The following MLLT10 variants were observed in gnomAD, a reference collection of about 807,000 sequenced individuals.
MLLT10 encodes protein AF-10.
MLLT10 carries 30 observed loss-of-function variants against 129.1 expected under a neutral mutation model. The observed-to-expected ratio is 0.23, with a 90% CI of 0.17 to 0.32. The LOEUF is 0.32. Among genes scored for constraint, MLLT10 ranks in the 10% least tolerant of loss-of-function variants. MLLT10 has a pLI of 1.00. For missense variants in MLLT10, 1,119 were observed against 1,268.3 expected (o/e 0.88, Z 1.79); for synonymous variants, 490 against 446.4 (o/e 1.10, Z -1.23).
intron 21 of MLLT10, among the ~76,000 whole-genome samples, chr10:21,736,298 T>C (rs965781037): frequency 6.6e-6 from 1 of 152,158 alleles, no homozygotes; most frequent in Non-Finnish European, 1.5e-5. Context: ...TATATGTATA[T>C]TTTTGAGAGG....
rs1395584807 is a variant in MLLT10, at chr10:21,670,558, C to T, written c.905C>T (p.Ser302Phe). ...TTCCAGGAAGTCTCTGCACACACCT[C>T]TAGTGGAAAAGATGTTTCAGAGACT... The part of the protein sequence containing the change: ...ANFQEVSAHT[S>F]SGKDVSETRG... The change falls in exon 10 of 23, where the codon TCT (serine) becomes TTT (phenylalanine). Residue 302 changes from serine (S) to phenylalanine (F), a missense_variant. By Grantham distance (155) the Ser-to-Phe change is radical. Transcript: ENST00000307729. The T allele has an allele frequency of 2.5e-6, 4 of 1,613,994 alleles. No homozygotes were observed. In the South Asian group the frequency reaches 4.4e-5, roughly 18 times the overall value.
chr10:21,627,177 G>A (rs567381998), intron 8 of MLLT10, among the ~76,000 whole-genome samples: 13 of 151,738 alleles, frequency 8.6e-5, no homozygotes, highest in African/African-American at 2.9e-4. Context: ...CATGTCCTTC[G>A]CTCTACCCTC....
intron 5 of MLLT10, among the ~76,000 whole-genome samples, chr10:21,595,847 A>G (rs2042974235): frequency 6.6e-6 from 1 of 152,170 alleles, no homozygotes; most frequent in South Asian, 2.1e-4. Flanking sequence ...TTAGAATGTT[A>G]CTTGTCTCCT....
chr10:21,605,629 C>G (rs2131169459), intron 5 of MLLT10, among the ~76,000 whole-genome samples: 1 of 152,066 alleles, frequency 6.6e-6, no homozygotes, highest in East Asian at 1.9e-4. Context: ...TTTATAGTGA[C>G]TGGGTATGTT....
chr10:21,727,911 A>G lies in MLLT10; in HGVS notation c.2046A>G (p.Arg682=). The part of the protein sequence containing the change: ...RNLVGRGSSP[R]GSLSPRSPVS... ...TAGTTGGCAGAGGAAGCTCACCCCG[A>G]GGAAGTCTCTCGCCACGGTAAGCGC... The change falls in exon 16 of 23, where the codon CGA becomes CGG. Residue 682 remains arginine, a synonymous_variant. Transcript: ENST00000307729. 1 of 1,614,078 alleles carries G rather than the reference A, an allele frequency of 6.2e-7. No individual in the cohort carries two copies. Among genetic ancestry groups the G allele is most frequent in the African/African-American group, 1.3e-5 (1 of 75,034 alleles).
chr10:21,564,178 T>C (rs185138718), intron 3 of MLLT10, among the ~76,000 whole-genome samples: 69 of 152,230 alleles, frequency 4.5e-4, no homozygotes, highest in Non-Finnish European at 8.1e-4. Context: ...GGCAGTGTCA[T>C]GATCATGGCT....
At chr10:21,706,231 C>T (rs2055480686) in intron 13 of MLLT10, among the ~76,000 whole-genome samples, 1 of 152,178 alleles carries the variant, frequency 6.6e-6, no homozygotes, top group South Asian at 2.1e-4. Flanking sequence ...ATAATGAATT[C>T]ATAATAATGA....
intron 9 of MLLT10, among the ~76,000 whole-genome samples, chr10:21,666,029 T>G (rs528254399): frequency 6.6e-6 from 1 of 152,316 alleles, no homozygotes; most frequent in South Asian, 2.1e-4. Flanking sequence ...ATCTAACATT[T>G]GCTAATCCTT....
At chr10:21,625,784 TG>T in intron 8 of MLLT10, 1 of 768,104 alleles carries the variant, frequency 1.3e-6, no homozygotes, top group East Asian at 2.4e-5. Context: ...CACAGCTTCC[TG>T]TGCAGCTTCC....
chr10:21,563,142 G>A lies in MLLT10; in HGVS notation c.241-23152G>A, dbSNP rs187045302. The stretch of plus-strand genomic sequence containing the variant: ...TAGCCACACCTGCTTTCCTCCTGCC[G>A]CCAGACTTAGTCATAACCACTAAGG... On this transcript the variant is annotated intron_variant, in intron 3 of 22. Transcript: ENST00000307729. Among the ~76,000 whole-genome samples the A allele has an allele frequency of 2.2e-3, 338 of 151,974 alleles. 3 individuals carry two copies. The highest frequency in any genetic ancestry group is 7.7e-3 in the African/African-American group (319 of 41,440).
intron 14 of MLLT10, among the ~76,000 whole-genome samples, chr10:21,722,796 C>A (rs930358455): frequency 1.3e-5 from 2 of 152,080 alleles, no homozygotes; most frequent in Non-Finnish European, 2.9e-5. Flanking sequence ...TTCCAAACAT[C>A]AGTTAAGAAA....
intron 3 of MLLT10, among the ~76,000 whole-genome samples, chr10:21,569,031 A>C (rs946750127): frequency 2.0e-5 from 3 of 152,176 alleles, no homozygotes; most frequent in African/African-American, 7.2e-5. Flanking sequence ...TCACAGTTGT[A>C]AGAAAAAATT....
At chr10:21,631,222 G>A (rs1383334792) in intron 8 of MLLT10, among the ~76,000 whole-genome samples, 67 of 150,528 alleles carry the variant, frequency 4.5e-4, no homozygotes, top group Non-Finnish European at 7.4e-5. Flanking sequence ...GCTGAGGCAG[G>A]AGAATGGCGT....
At chr10:21,625,184 C>T (rs756260533) in intron 8 of MLLT10, 23 of 1,482,416 alleles carry the variant, frequency 1.6e-5, no homozygotes, top group Non-Finnish European at 2.2e-5. Context: ...ATATGCAGTG[C>T]TTCTGGAGGC....
Position 21,740,158 on chromosome 10 carries a change from A to C in MLLT10, c.3084A>C (p.Thr1028=), listed in dbSNP as rs770824572. The C allele has an allele frequency of 8.7e-6, 14 of 1,614,214 alleles. No individual in the cohort carries two copies. The highest frequency in any genetic ancestry group is 1.2e-5 in the Non-Finnish European group (14 of 1,180,042). ...QIPINNLLAG[T]QAPPLHTATT... Reference sequence around the variant, plus strand: ...CCATAAACAACCTTCTTGCAGGTACACAGGCACCCCCACTTCACACAGCTA... The same window carrying C: ...CCATAAACAACCTTCTTGCAGGTACCCAGGCACCCCCACTTCACACAGCTA... The change falls in exon 22 of 23, where the codon ACA becomes ACC. Residue 1028 remains threonine, a synonymous_variant. Coordinates refer to ENST00000307729, the MANE Select transcript of MLLT10 (RefSeq NM_001195626.3).
intron 4 of MLLT10, among the ~76,000 whole-genome samples, chr10:21,586,999 T>C (rs2042052515): frequency 6.6e-6 from 1 of 151,952 alleles, no homozygotes; most frequent in Admixed American, 6.6e-5. Flanking sequence ...AAATCTGTTG[T>C]TTTAGATTCT....
chr10:21,736,282 G>GGT (rs1176187088), intron 21 of MLLT10, among the ~76,000 whole-genome samples: 2 of 152,108 alleles, frequency 1.3e-5, no homozygotes, highest in African/African-American at 4.8e-5. Flanking sequence ...CTGGAATTGT[G>GGT]GTATATATAT....
chr10:21,638,253 T>TG (rs1335428805), intron 8 of MLLT10, among the ~76,000 whole-genome samples: 1 of 105,570 alleles, frequency 9.5e-6, no homozygotes, highest in African/African-American at 4.1e-5. Context: ...ATTCTTCTTT[T>TG]TGGTGGGGGG....
At chr10:21,689,555 A>G (rs1266951084) in intron 13 of MLLT10, among the ~76,000 whole-genome samples, 1 of 106,944 alleles carries the variant, frequency 9.4e-6, no homozygotes, top group Non-Finnish European at 1.9e-5. Flanking sequence ...TAATATATAT[A>G]TATATATATG....
Sources: gnomAD v4.1 joint callset for allele counts (sites outside exome capture counted in the v4.1 genomes callset) on GRCh38, gnomAD v4.1.1 for gene constraint, MANE v1.5 for transcripts, NCBI Gene and HGNC (gene_info 2026-07-23, HGNC 2026-07-21) for gene names.